The following WWOX variants were observed in gnomAD, a reference collection of about 807,000 sequenced individuals.
WWOX encodes the protein WW domain-containing oxidoreductase.
WWOX carries 69 observed loss-of-function variants against 46.2 expected under a neutral mutation model. The ratio of observed to expected loss-of-function variants is 1.49; its 90% confidence interval spans 1.23 to 1.82. The LOEUF is 1.82. WWOX is among the 40% of genes most tolerant of loss of function. The pLI is 0.00. For missense variants in WWOX, 919 were observed against 542.6 expected (o/e 1.69, Z -6.89); for synonymous variants, 359 against 202.6 (o/e 1.77, Z -6.56).
intron 5 of WWOX, among the ~76,000 whole-genome samples, chr16:78,215,011 G>T (rs1419742340): frequency 6.6e-6 from 1 of 152,144 alleles, no homozygotes; most frequent in Non-Finnish European, 1.5e-5. Context: ...TTGCTGTTTA[G>T]CCAATATGGG....
At chr16:78,776,317 G>C (rs933549669) in intron 8 of WWOX, among the ~76,000 whole-genome samples, 27 of 152,094 alleles carry the variant, frequency 1.8e-4, no homozygotes, top group African/African-American at 5.8e-4. Context: ...CACAGTGGCT[G>C]GGATAGGACC....
intron 8 of WWOX, among the ~76,000 whole-genome samples, chr16:79,141,763 A>G (rs1050168668): frequency 6.6e-6 from 1 of 152,186 alleles, no homozygotes; most frequent in Non-Finnish European, 1.5e-5. Context: ...AGTGTCCATT[A>G]GGATGACTCT....
intron 4 of WWOX, among the ~76,000 whole-genome samples, chr16:78,136,406 T>A (rs2033790845): frequency 1.3e-5 from 2 of 152,190 alleles, no homozygotes; most frequent in South Asian, 4.1e-4. Flanking sequence ...GGATGCTGTT[T>A]CCTGGGTGTC....
chr16:78,455,787 A>C (rs1385550803), intron 8 of WWOX, among the ~76,000 whole-genome samples: 2 of 133,508 alleles, frequency 1.5e-5, no homozygotes, highest in Non-Finnish European at 3.0e-5. Flanking sequence ...GGGGGAGGTG[A>C]AGGTTAAAAA....
rs138928217 is a variant in WWOX at position 79,077,730 on chromosome 16, A to G, written c.1057-133878A>G. The stretch of plus-strand genomic sequence containing the variant: ...AGAATTGTGTGTTGGTGTAAGAAAT[A>G]ATAATCTTTCCAAATCCTTTTGTTT... On this transcript the variant is annotated intron_variant, in intron 8 of 8. Coordinates refer to ENST00000566780, the MANE Select transcript of WWOX (RefSeq NM_016373.4). Among the ~76,000 whole-genome samples, 101 of 151,900 alleles carry G rather than the reference A, an allele frequency of 6.6e-4. No homozygotes were observed. In the Middle Eastern group the frequency reaches 0.014, roughly 21 times the overall value.
intron 5 of WWOX, among the ~76,000 whole-genome samples, chr16:78,340,457 T>TCTCAGC (rs1197068270): frequency 8.3e-6 from 1 of 120,742 alleles, no homozygotes; most frequent in East Asian, 1.9e-4. Context: ...GATCTGCCCA[T>TCTCAGC]CTCAGCCTCC....
chr16:78,490,875 A>G (rs2084767717), intron 8 of WWOX, among the ~76,000 whole-genome samples: 1 of 152,180 alleles, frequency 6.6e-6, no homozygotes, highest in African/African-American at 2.4e-5. Context: ...TCTACTGCAA[A>G]ACAGGACTCA....
At chr16:78,459,930 G>C (rs1350814689) in intron 8 of WWOX, among the ~76,000 whole-genome samples, 1 of 151,230 alleles carries the variant, frequency 6.6e-6, no homozygotes. Context: ...TCAGCCTCCC[G>C]GGTAGTTAGG....
intron 4 of WWOX, among the ~76,000 whole-genome samples, chr16:78,139,545 T>G (rs1414242355): frequency 6.6e-6 from 1 of 152,122 alleles, no homozygotes; most frequent in African/African-American, 2.4e-5. Flanking sequence ...CTCGGGAGGC[T>G]GAGGCAGGAG....
chr16:78,508,634 C>T (rs181864271), intron 8 of WWOX, among the ~76,000 whole-genome samples: 1 of 152,274 alleles, frequency 6.6e-6, no homozygotes, highest in East Asian at 1.9e-4. Flanking sequence ...TGATGTTGCT[C>T]ATTTTTGATA....
At chr16:78,559,294 T>G (rs1364890928) in intron 8 of WWOX, among the ~76,000 whole-genome samples, 1 of 152,106 alleles carries the variant, frequency 6.6e-6, no homozygotes, top group Non-Finnish European at 1.5e-5. Context: ...GGAAGAACGA[T>G]GGATTTGTGA....
At chr16:79,069,914 T>C (rs2048516700) in intron 8 of WWOX, among the ~76,000 whole-genome samples, 2 of 152,224 alleles carry the variant, frequency 1.3e-5, no homozygotes, top group Admixed American at 1.3e-4. Flanking sequence ...TCCCCCTCTA[T>C]GACCAAAAAG....
At chr16:78,736,821 C>T (rs1414741868) in intron 8 of WWOX, among the ~76,000 whole-genome samples, 1 of 152,126 alleles carries the variant, frequency 6.6e-6, no homozygotes, top group Non-Finnish European at 1.5e-5. Flanking sequence ...CTTGCCCTGG[C>T]TGGTCTCAAA....
At chr16:78,790,772 C>T (rs537908253) in intron 8 of WWOX, among the ~76,000 whole-genome samples, 3 of 152,078 alleles carry the variant, frequency 2.0e-5, no homozygotes, top group South Asian at 2.1e-4. Context: ...GTAACCCTAG[C>T]ACTTTGGGAG....
At chr16:78,648,421 A>C (rs2046894103) in intron 8 of WWOX, among the ~76,000 whole-genome samples, 2 of 152,156 alleles carry the variant, frequency 1.3e-5, no homozygotes. Context: ...GATGGTTGTA[A>C]GGTAAACAGT....
intron 8 of WWOX, among the ~76,000 whole-genome samples, chr16:78,588,631 A>C (rs1312790504): frequency 6.6e-6 from 1 of 152,228 alleles, no homozygotes; most frequent in Non-Finnish European, 1.5e-5. Context: ...AAGTGAGGTC[A>C]TTGAGTCACT....
At chr16:78,666,597 A>T (rs1488412327) in intron 8 of WWOX, among the ~76,000 whole-genome samples, 1 of 152,222 alleles carries the variant, frequency 6.6e-6, no homozygotes. Context: ...CTTCAGTCGC[A>T]TGTGGGCCTG....
At chr16:78,913,660 GT>G (rs112963247) in intron 8 of WWOX, among the ~76,000 whole-genome samples, 89 of 147,108 alleles carry the variant, frequency 6.0e-4, no homozygotes, top group Middle Eastern at 3.6e-3. Context: ...TACTGCTACA[GT>G]TTTTTTTTTT....
At chr16:78,505,513 T>G (rs1182619716) in intron 8 of WWOX, among the ~76,000 whole-genome samples, 1 of 152,162 alleles carries the variant, frequency 6.6e-6, no homozygotes, top group East Asian at 1.9e-4. Context: ...CCAGGGAGAC[T>G]GTTCAAGCAC....
Sources: gnomAD v4.1 joint callset for allele counts (sites outside exome capture counted in the v4.1 genomes callset) on GRCh38, gnomAD v4.1.1 for gene constraint, MANE v1.5 for transcripts, NCBI Gene and HGNC (gene_info 2026-07-23, HGNC 2026-07-21) for gene names.